WDR64: variants seen among roughly 807,000 people sequenced by gnomAD.
WDR64 encodes WD repeat-containing protein 64.
Under a neutral mutation model 139.3 loss-of-function variants are expected in WDR64, and 112 were observed. That is an observed-to-expected ratio of 0.80 (90% CI 0.69 to 0.94). The LOEUF (loss-of-function observed/expected upper bound fraction) is 0.94, where lower values mean the gene tolerates loss of function less well. Ranked by LOEUF, WDR64 falls within the 40% of genes least tolerant of loss-of-function variation. The probability of loss-of-function intolerance (pLI) is 0.00; values close to 1 mark genes in which losing one functional copy is unlikely to be tolerated. For missense variants in WDR64, 1,206 were observed against 1,293.1 expected, an observed-to-expected ratio of 0.93 and a Z score of 1.03; for synonymous variants, 444 against 437.7, an observed-to-expected ratio of 1.01 and a Z score of -0.18.
chr1:241,776,748 C>G (rs1658669030), intron 21 of WDR64, among the ~76,000 whole-genome samples: 1 of 152,170 alleles, frequency 6.6e-6, no homozygotes, highest in Non-Finnish European at 1.5e-5. Flanking sequence ...ATGTGGCAAG[C>G]CTTTTCTGAC....
At chr1:241,773,035 T>C (rs1262676536) in intron 20 of WDR64, 104 bp downstream of exon 20, 1 of 1,325,362 alleles carries the variant, frequency 7.5e-7, no homozygotes, top group African/African-American at 1.5e-5. Flanking sequence ...ATTATAATAT[T>C]TTTTCAACTT....
intron 27 of WDR64, among the ~76,000 whole-genome samples, chr1:241,798,726 GA>G (rs1659436000): frequency 1.3e-5 from 2 of 152,202 alleles, no homozygotes; most frequent in South Asian, 4.1e-4. Context: ...ACAGTTGGAA[GA>G]AAGTCCTTTG....
chr1:241,771,941 CATACAT>C (rs1457600015), intron 19 of WDR64, among the ~76,000 whole-genome samples: 1,162 of 28,660 alleles, frequency 0.041, 10 homozygotes, highest in African/African-American at 0.14. Context: ...TACATACATA[CATACAT>C]ATATATATAT....
At chr1:241,678,252 G>T (rs898305587) in intron 5 of WDR64, 36 bp downstream of exon 5, 1 of 398,766 alleles carries the variant, frequency 2.5e-6, no homozygotes, top group East Asian at 3.6e-5. Context: ...TTAAGTCAAA[G>T]TTAGGGCTAT....
rs139499991 is a variant in WDR64 at position 241,683,200 on chromosome 1, A to C, written c.625-287A>C. Among the ~76,000 whole-genome samples, 546 of 152,288 alleles carry C rather than the reference A, an allele frequency of 3.6e-3. 5 individuals carry two copies. Among genetic ancestry groups the C allele is most frequent in the African/African-American group, 0.013 (534 of 41,540 alleles). On this transcript the variant is annotated intron_variant, in intron 6 of 27. Coordinates refer to ENST00000437684, the MANE Select transcript of WDR64 (RefSeq NM_001367482.1). ...TTTAATGTTTTCTTATAAATCCAAAAAAAGGCCATTTACAGTCACGCATCA... is the reference window on the plus strand; with the variant it reads ...TTTAATGTTTTCTTATAAATCCAAACAAAGGCCATTTACAGTCACGCATCA...
intron 8 of WDR64, among the ~76,000 whole-genome samples, chr1:241,704,965 G>T (rs933022747): frequency 2.0e-5 from 3 of 152,198 alleles, no homozygotes; most frequent in African/African-American, 4.8e-5. Context: ...TAAGGTACCT[G>T]GTTGTGGGCC....
chr1:241,681,311 C>T (rs1328408825), intron 6 of WDR64, among the ~76,000 whole-genome samples: 3 of 152,106 alleles, frequency 2.0e-5, no homozygotes, highest in African/African-American at 7.2e-5. Context: ...TCCATTGTGT[C>T]ATTTTTATGC....
intron 8 of WDR64, among the ~76,000 whole-genome samples, chr1:241,705,371 C>T (rs753217617): frequency 2.0e-5 from 3 of 151,726 alleles, no homozygotes; most frequent in Non-Finnish European, 4.4e-5. Context: ...GAAACCCCGT[C>T]TCTACTGAAA....
chr1:241,760,218 T>G (rs1012847865), intron 15 of WDR64, among the ~76,000 whole-genome samples: 2 of 152,146 alleles, frequency 1.3e-5, no homozygotes, highest in African/African-American at 4.8e-5. Context: ...GAAAATGCTA[T>G]AGTATTTCAT....
intron 8 of WDR64, among the ~76,000 whole-genome samples, chr1:241,710,327 G>T (rs1005629691): frequency 6.6e-6 from 1 of 152,050 alleles, no homozygotes; most frequent in Non-Finnish European, 1.5e-5. Context: ...CCATTGTCTC[G>T]TCTACTAAGT....
rs751512962 is a variant in WDR64, at chr1:241,723,314, C to T, written c.1072C>T (p.Arg358Trp). 24 of 1,613,782 alleles carry T rather than the reference C, an allele frequency of 1.5e-5. No individual in the cohort carries two copies. The highest frequency in any genetic ancestry group is 7.7e-5 in the South Asian group (7 of 91,046). ...IVTGGDDKVI[R>W]LWHPNISTKP... ...CTTTTCAGGAGATGATAAGGTCATC[C>T]GGTTGTGGCACCCCAATATCAGCAC... Residue 358 changes from arginine to tryptophan, a missense_variant, in exon 10 of 28, where the codon CGG becomes TGG. By Grantham distance (101) the Arg-to-Trp change is moderately radical. Coordinates refer to ENST00000437684, the MANE Select transcript of WDR64 (RefSeq NM_001367482.1).
In WDR64 at chr1:241,656,511, G is replaced by C. The variant is rs1313780432; in HGVS notation, c.145+3882G>C. ...ATAAATATAAAACAGCTAAGGAACT[G>C]TTCAGATGCCTCATGAGAATTTCTG... On this transcript the variant is annotated intron_variant, in intron 1 of 27. Transcript: ENST00000437684. This position sits in a 1 kb window ranked among gnomAD's most constrained non-coding sequence, Gnocchi z 4.3. Among the ~76,000 whole-genome samples, 1 of 152,166 alleles carries C rather than the reference G, an allele frequency of 6.6e-6. No individual in the cohort carries two copies. The highest frequency in any genetic ancestry group is 2.4e-5 in the African/African-American group (1 of 41,430).
intron 21 of WDR64, among the ~76,000 whole-genome samples, chr1:241,778,321 T>C (rs1192765938): frequency 6.6e-6 from 1 of 152,210 alleles, no homozygotes; most frequent in African/African-American, 2.4e-5. Flanking sequence ...CAGCTACACT[T>C]GCTTTCTTTT....
chr1:241,690,138 A>G (rs561938986), intron 8 of WDR64, among the ~76,000 whole-genome samples: 1 of 152,246 alleles, frequency 6.6e-6, no homozygotes, highest in South Asian at 2.1e-4. Flanking sequence ...AAATAACTAT[A>G]CCTAGGCATA....
Position 241,703,501 on chromosome 1 carries a change from G to C in WDR64, c.975-8301G>C, listed in dbSNP as rs551812257. On this transcript the variant is annotated intron_variant, in intron 8 of 27. Transcript: ENST00000437684. The surrounding 1 kb of genome is among the most constrained non-coding windows in gnomAD (Gnocchi z 5.9). ...TGTTTTGAAGAAACTGTCAGAAAAT[G>C]TTTCTCTTTAAAATTGCTATCATTT... Among the ~76,000 whole-genome samples, 1 of 149,750 alleles carries C rather than the reference G, an allele frequency of 6.7e-6. No homozygotes were observed. The highest frequency in any genetic ancestry group is 2.5e-5 in the African/African-American group (1 of 40,628).
chr1:241,729,566 C>T (rs554447922), intron 10 of WDR64, among the ~76,000 whole-genome samples: 5 of 152,264 alleles, frequency 3.3e-5, no homozygotes, highest in East Asian at 1.9e-4. Flanking sequence ...TGTGCATTCC[C>T]GTCTTTGTCT....
intron 10 of WDR64, among the ~76,000 whole-genome samples, chr1:241,735,317 G>A (rs893254217): frequency 6.6e-6 from 1 of 150,922 alleles, no homozygotes; most frequent in African/African-American, 2.4e-5. Context: ...ATGAACATTT[G>A]AGTAGTTTCT....
Position 241,652,538 on chromosome 1 carries a change from C to CA in WDR64, c.59dup (p.Ala21GlyfsTer6). 1 of 1,552,170 alleles carries CA rather than the reference C, an allele frequency of 6.4e-7. No individual in the cohort carries two copies. The highest frequency in any genetic ancestry group is 2.4e-5 in the East Asian group (1 of 40,914). ...ACATGGCACTTCAGATGAGCAATTT[C>CA]AAAAAGGCTTTGAACAGGTTTGAAA... On this transcript the variant is annotated frameshift_variant, in exon 1 of 28. Coordinates refer to ENST00000437684, the MANE Select transcript of WDR64 (RefSeq NM_001367482.1). LOFTEE classifies it high-confidence loss of function.
At chr1:241,754,143 C>T (rs1008341793) in intron 14 of WDR64, among the ~76,000 whole-genome samples, 3 of 151,946 alleles carry the variant, frequency 2.0e-5, no homozygotes, top group African/African-American at 7.3e-5. Flanking sequence ...GTTCAACTCA[C>T]AACACTCAGG....
Sources: gnomAD v4.1 joint callset for allele counts (sites outside exome capture counted in the v4.1 genomes callset) on GRCh38, gnomAD v4.1.1 for gene constraint, Gnocchi (gnomAD v3.1) non-coding constraint, MANE v1.5 for transcripts, NCBI Gene and HGNC (gene_info 2026-07-23, HGNC 2026-07-21) for gene names.